The following N4BP2L1 variants were observed in gnomAD, a reference collection of about 807,000 sequenced individuals.
The protein encoded by N4BP2L1 is NEDD4-binding protein 2-like 1.
A neutral mutation model predicts 21.2 loss-of-function variants in N4BP2L1; 12 were observed. That is an observed-to-expected ratio of 0.57 (90% CI 0.36 to 0.92). The LOEUF (loss-of-function observed/expected upper bound fraction) is 0.92. Among genes scored for constraint, N4BP2L1 ranks in the 40% least tolerant of loss-of-function variants. N4BP2L1 has a pLI of 0.01. For missense variants in N4BP2L1, 259 were observed against 310.6 expected, an observed-to-expected ratio of 0.83 and a Z score of 1.25; for synonymous variants, 104 against 112.8, an observed-to-expected ratio of 0.92 and a Z score of 0.49.
At position 32,403,203 on chromosome 13, in the gene N4BP2L1, A is replaced by G. The variant is rs1251829695; in HGVS notation, c.474-3T>C. 1 of 1,585,320 alleles carries G rather than the reference A, an allele frequency of 6.3e-7. No individual in the cohort carries two copies. Among genetic ancestry groups the G allele is most frequent in the South Asian group, 1.2e-5 (1 of 86,914 alleles). ...TTGAGACACCATGAATGTTTCTTCTACATGGAAAAAAAATGCATTTAGTTA... is the reference window on the plus strand; with the variant it reads ...TTGAGACACCATGAATGTTTCTTCTGCATGGAAAAAAAATGCATTTAGTTA... On this transcript the variant is annotated splice_polypyrimidine_tract_variant and splice_region_variant and intron_variant, in intron 4 of 4. Transcript: ENST00000380130.
At chr13:32,424,473 T>G (rs499966) in intron 1 of N4BP2L1, among the ~76,000 whole-genome samples, 107,426 of 152,158 alleles carry the variant, frequency 0.71, 38,547 homozygotes, top group East Asian at 0.88. Flanking sequence ...GCTGATTATG[T>G]CTTTCCATTG....
Position 32,400,768 on chromosome 13 carries a change from A to C in N4BP2L1, c.*2174T>G, listed in dbSNP as rs895172917. 13 of 152,306 alleles carry C rather than the reference A, an allele frequency of 8.5e-5. No homozygotes were observed. Among genetic ancestry groups the C allele is most frequent in the East Asian group, 1.9e-4 (1 of 5,182 alleles). 9.4% of individuals were successfully genotyped at this position (152,306 alleles called of 1,614,324 possible). ...ATTTATTCAGCAATCATTTAATGAG[A>C]CCCTATTGCCCATAAAGAGCATTTG... On this transcript the variant is annotated 3_prime_UTR_variant, in exon 5 of 5. Coordinates refer to ENST00000380130, the MANE Select transcript of N4BP2L1 (RefSeq NM_052818.3).
intron 4 of N4BP2L1, 84 bp from the exon 5 acceptor site, chr13:32,403,284 TA>T: frequency 7.2e-7 from 1 of 1,383,944 alleles, no homozygotes; most frequent in Non-Finnish European, 9.8e-7. Flanking sequence ...GTATTGCAGA[TA>T]TTGCAGTCCC....
Position 32,403,050 on chromosome 13 carries a change from A to G in N4BP2L1, c.624T>C (p.Asn208=), listed in dbSNP as rs779456751. Residue 208 remains asparagine (N), a synonymous_variant, in exon 5 of 5, where the codon AAT becomes AAC. Transcript: ENST00000380130. ...QDRNNALPSN[N]ARYWNSYTEF... ...CTGTGTAGGAATTCCAGTATCTGGCATTGTTGGAAGGCAATGCATTATTCC... is the reference window on the plus strand; with the variant it reads ...CTGTGTAGGAATTCCAGTATCTGGCGTTGTTGGAAGGCAATGCATTATTCC... 11 of 1,613,952 alleles carry G rather than the reference A, an allele frequency of 6.8e-6. No individual in the cohort carries two copies. Among genetic ancestry groups the G allele is most frequent in the East Asian group, 2.2e-5 (1 of 44,886 alleles).
chr13:32,428,230 A>C, upstream of N4BP2L1: 1 of 757,652 alleles, frequency 1.3e-6, no homozygotes, highest in Non-Finnish European at 1.9e-6. Flanking sequence ...ACCCGCCGGA[A>C]CCGTGCTGCG....
chr13:32,405,141 C>A (rs577380156), intron 3 of N4BP2L1, among the ~76,000 whole-genome samples: 1 of 152,106 alleles, frequency 6.6e-6, no homozygotes. Context: ...AATAACACAA[C>A]CGGAAACCTC....
At chr13:32,423,577 C>A (rs1396005360) in intron 1 of N4BP2L1, among the ~76,000 whole-genome samples, 1 of 152,182 alleles carries the variant, frequency 6.6e-6, no homozygotes, top group African/African-American at 2.4e-5. Context: ...TATGCCCATA[C>A]AAGGTAATAT....
chr13:32,421,755 C>T lies in N4BP2L1; in HGVS notation c.179+6149G>A, dbSNP rs975119847. ...CTCCCCAAGCCATACATATGATCTG[C>T]CTTATGAAGGAACAGTTGGAAGGCA... On this transcript the variant is annotated intron_variant, in intron 1 of 4. Coordinates refer to ENST00000380130, the MANE Select transcript of N4BP2L1 (RefSeq NM_052818.3). Among the ~76,000 whole-genome samples the T allele has an allele frequency of 4.6e-5, 7 of 152,210 alleles. No individual in the cohort carries two copies. In the South Asian group the frequency reaches 1.3e-3, roughly 27 times the overall value.
At chr13:32,403,723 T>C (rs766382069) in intron 4 of N4BP2L1, 1 of 536,208 alleles carries the variant, frequency 1.9e-6, no homozygotes, top group Non-Finnish European at 3.8e-6. Flanking sequence ...GCAATTCTGA[T>C]GGAGTAGTCC....
chr13:32,423,662 A>G (rs566943322), intron 1 of N4BP2L1, among the ~76,000 whole-genome samples: 37 of 152,324 alleles, frequency 2.4e-4, no homozygotes, highest in African/African-American at 8.7e-4. Flanking sequence ...ATTAAGCTAC[A>G]TGAAATTTAG....
chr13:32,424,069 C>G (rs1247543337), intron 1 of N4BP2L1, among the ~76,000 whole-genome samples: 1 of 152,212 alleles, frequency 6.6e-6, no homozygotes, highest in Non-Finnish European at 1.5e-5. Context: ...AGAGAGAGTT[C>G]TGGCTCATCT....
chr13:32,411,288 C>T (rs2073842557), intron 1 of N4BP2L1, among the ~76,000 whole-genome samples: 1 of 150,732 alleles, frequency 6.6e-6, no homozygotes, highest in African/African-American at 2.4e-5. Context: ...AACAGGCAGA[C>T]AAAACTAAGG....
Position 32,402,577 on chromosome 13 carries a change from AAAAAT to A in N4BP2L1, c.*360_*364del, listed in dbSNP as rs1445790079. The A allele has an allele frequency of 1.0e-6, 1 of 997,132 alleles. No homozygotes were observed. The highest frequency in any genetic ancestry group is 1.2e-6 in the Non-Finnish European group (1 of 837,948). 61.8% of individuals were successfully genotyped at this position (997,132 alleles called of 1,614,324 possible). ...TTACCGATGGAGATGAATTTCCTGAAAAAATAAATAGATCACTTCAGAGCAAATGG... is the reference window on the plus strand; with the variant it reads ...TTACCGATGGAGATGAATTTCCTGAAAAATAGATCACTTCAGAGCAAATGG... On this transcript the variant is annotated 3_prime_UTR_variant, in exon 5 of 5. Coordinates refer to ENST00000380130, the MANE Select transcript of N4BP2L1 (RefSeq NM_052818.3).
At chr13:32,425,053 T>A (rs2074687253) in intron 1 of N4BP2L1, 2 of 152,224 alleles carry the variant, frequency 1.3e-5, no homozygotes, top group Admixed American at 1.3e-4. Context: ...TTCTAAGAAA[T>A]ACATATTCGT....
At chr13:32,412,619 C>G (rs1002139699) in intron 1 of N4BP2L1, among the ~76,000 whole-genome samples, 5 of 144,300 alleles carry the variant, frequency 3.5e-5, no homozygotes, top group Non-Finnish European at 6.0e-5. Flanking sequence ...GGTGACAGAG[C>G]GAAACTCTGT....
rs577470628 is a variant in N4BP2L1, at chr13:32,406,621, C to CA, written c.396+628dup. On this transcript the variant is annotated intron_variant, in intron 3 of 4. Transcript: ENST00000380130. ...AGTAGCTAGGATTACAGGCGCCCGC[C>CA]ACCATGCCCCGGCTATTTTTGTATT... is the stretch of plus-strand genomic sequence containing the variant. 1,013 of 152,444 alleles carry CA rather than the reference C, an allele frequency of 6.6e-3. 8 individuals are homozygous for CA. Among genetic ancestry groups the CA allele is most frequent in the African/African-American group, 0.023 (958 of 41,540 alleles). The allele number at this position is 152,444 out of a possible 1,614,324, so 9.4% of individuals were successfully genotyped here. A position where few individuals can be genotyped will look rare whatever the true frequency, so the allele number is the denominator to read the frequency against.
intron 1 of N4BP2L1, among the ~76,000 whole-genome samples, chr13:32,408,030 C>T (rs1466640042): frequency 6.6e-6 from 1 of 152,230 alleles, no homozygotes; most frequent in African/African-American, 2.4e-5. Flanking sequence ...GTCACTGCCG[C>T]TGCCTTCTGT....
intron 2 of N4BP2L1, 80 bp from the exon 3 acceptor site, chr13:32,407,418 T>C (rs752308447): frequency 6.2e-7 from 1 of 1,608,306 alleles, no homozygotes; most frequent in Non-Finnish European, 8.5e-7. Context: ...TCGTCATTTT[T>C]ATTACAGGAT....
chr13:32,428,213 C>T, upstream of N4BP2L1: 5 of 918,736 alleles, frequency 5.4e-6, no homozygotes, highest in South Asian at 1.7e-4. Flanking sequence ...CCCAGCCCCT[C>T]CTTTCCACCC....
Sources: gnomAD v4.1 joint callset for allele counts (sites outside exome capture counted in the v4.1 genomes callset) on GRCh38, gnomAD v4.1.1 for gene constraint, MANE v1.5 for transcripts, NCBI Gene and HGNC (gene_info 2026-07-23, HGNC 2026-07-21) for gene names.